Variants in CCDC83 observed in about 807,000 individuals in gnomAD.
CCDC83 encodes coiled-coil domain-containing protein 83.
CCDC83 carries 54 observed loss-of-function variants against 50.1 expected under a neutral mutation model. The observed-to-expected ratio is 1.08, with a 90% CI of 0.87 to 1.35. The LOEUF (loss-of-function observed/expected upper bound fraction) is 1.35, where lower values mean the gene tolerates loss of function less well. Ranked by LOEUF, CCDC83 falls within the 40% of genes most tolerant of loss-of-function variation. The pLI, the probability that CCDC83 is intolerant of heterozygous loss-of-function variation, is 0.00. For missense variants in CCDC83, 518 were observed against 473.9 expected (o/e 1.09, Z -0.86); for synonymous variants, 161 against 153.3 (o/e 1.05, Z -0.37).
At chr11:85,857,223 A>G (rs1399776190) in intron 1 of CCDC83, among the ~76,000 whole-genome samples, 4 of 152,194 alleles carry the variant, frequency 2.6e-5, no homozygotes, top group African/African-American at 4.8e-5. Context: ...AAGCCCTCGA[A>G]GGGCACGCGC....
chr11:85,872,168 G>A (rs1170674708), intron 2 of CCDC83, among the ~76,000 whole-genome samples: 2 of 152,056 alleles, frequency 1.3e-5, no homozygotes, highest in Non-Finnish European at 2.9e-5. Context: ...GGCCAGCCTG[G>A]TCTGGAACTC....
rs1191623003 is a variant in CCDC83 at position 85,895,276 on chromosome 11, T to TTTC, written c.512-15_512-14insCTT. 5.2e-6 allele frequency: 4 copies of TTTC among 771,548 alleles called. No homozygotes were observed. Among genetic ancestry groups the TTTC allele is most frequent in the African/African-American group, 5.4e-5 (2 of 37,350 alleles). 47.8% of individuals were successfully genotyped at this position (771,548 alleles called of 1,614,324 possible). Reference sequence around the variant, plus strand: ...GGCTTTTAATTTTCTTTTTTTTTTTTTTTTTTTTTTTTAAAGAACACTATA... The same window carrying TTTC: ...GGCTTTTAATTTTCTTTTTTTTTTTTTTCTTTTTTTTTTTTAAAGAACACTATA... On this transcript the variant is annotated splice_polypyrimidine_tract_variant and intron_variant, in intron 5 of 10. Coordinates refer to ENST00000342404, the MANE Select transcript of CCDC83 (RefSeq NM_001286159.2).
Position 85,885,213 on chromosome 11 carries a change from C to CA in CCDC83, c.344-975dup, listed in dbSNP as rs919228460. On this transcript the variant is annotated intron_variant, in intron 4 of 10. Coordinates refer to ENST00000342404, the MANE Select transcript of CCDC83 (RefSeq NM_001286159.2). ...TGAGTGACAGAGCAAAACTCCATCTCAAAAAAAAAAAATTAGTATCTTGTG... is the reference window on the plus strand; with the variant it reads ...TGAGTGACAGAGCAAAACTCCATCTCAAAAAAAAAAAAATTAGTATCTTGTG... Among the ~76,000 whole-genome samples, 265 of 139,406 alleles carry CA rather than the reference C, an allele frequency of 1.9e-3. 1 individual carries two copies. Among genetic ancestry groups the CA allele is most frequent in the East Asian group, 9.3e-3 (45 of 4,838 alleles). The allele number at this position is 139,406 out of a possible 152,430, so 91.5% of individuals were successfully genotyped here. A position where few individuals can be genotyped will look rare whatever the true frequency, so the allele number is the denominator to read the frequency against.
intron 1 of CCDC83, among the ~76,000 whole-genome samples, chr11:85,857,477 C>T (rs2093148647): frequency 1.3e-5 from 2 of 152,164 alleles, no homozygotes; most frequent in Admixed American, 6.5e-5. Flanking sequence ...CTGGATGTCG[C>T]TTGGGCCCCC....
chr11:85,907,291 T>C (rs2093430271), intron 7 of CCDC83, among the ~76,000 whole-genome samples: 1 of 152,246 alleles, frequency 6.6e-6, no homozygotes, highest in African/African-American at 2.4e-5. Flanking sequence ...TTAGTTGTTA[T>C]AAGTAACACT....
intron 7 of CCDC83, among the ~76,000 whole-genome samples, chr11:85,900,006 A>C (rs1363170115): frequency 6.6e-6 from 1 of 152,220 alleles, no homozygotes; most frequent in Non-Finnish European, 1.5e-5. Context: ...AATCTTCTGA[A>C]AGACAAAAAG....
At chr11:85,913,949 G>T (rs999282710) in intron 8 of CCDC83, among the ~76,000 whole-genome samples, 4 of 152,178 alleles carry the variant, frequency 2.6e-5, no homozygotes, top group African/African-American at 9.7e-5. Flanking sequence ...AATAGAAAAA[G>T]CTAGATTCCT....
upstream of CCDC83, chr11:85,855,225 A>T (rs2093132428): frequency 6.6e-6 from 1 of 152,270 alleles, no homozygotes; most frequent in Non-Finnish European, 1.5e-5. Flanking sequence ...GGATGTCAGG[A>T]GACTGGCTGG....
At chr11:85,877,902 A>G (rs541272382) in intron 3 of CCDC83, among the ~76,000 whole-genome samples, 2 of 152,340 alleles carry the variant, frequency 1.3e-5, no homozygotes, top group African/African-American at 4.8e-5. Flanking sequence ...TAGTTTGGCA[A>G]GTGATATTTC....
intron 7 of CCDC83, among the ~76,000 whole-genome samples, chr11:85,900,442 T>C (rs769836135): frequency 2.0e-5 from 3 of 152,190 alleles, no homozygotes; most frequent in Non-Finnish European, 2.9e-5. Flanking sequence ...TATCCCACTC[T>C]TGCCTTCTCA....
In CCDC83 at chr11:85,865,154, G is replaced by A. The variant is rs199576043; in HGVS notation, c.31G>A (p.Asp11Asn). The change falls in exon 2 of 11, where the codon GAT (aspartate) becomes AAT (asparagine). Residue 11 changes from aspartate (D) to asparagine (N), a missense_variant. Transcript: ENST00000342404. Reference sequence around the variant, plus strand: ...AAACTCAGGGAAAGCAAATAAAAAGGATACACATGACGGGCCACCAAAAGA... The same window carrying A: ...AAACTCAGGGAAAGCAAATAAAAAGAATACACATGACGGGCCACCAAAAGA... MENSGKANKK[D>N]THDGPPKEIK... 1.4e-4 allele frequency: 232 copies of A among 1,612,708 alleles called. No homozygotes were observed. Among genetic ancestry groups the A allele is most frequent in the Non-Finnish European group, 1.9e-4 (224 of 1,178,948 alleles).
rs2093250221 is a variant in CCDC83, at chr11:85,873,290, G to T, written c.175G>T (p.Glu59Ter). The part of the protein sequence containing the change: ...TLRKKNQKYH[E>*]RNSRLKEEQI... ...TAGGAAAAAGAACCAAAAATATCATGAAAGAGTGAGTATAAAATTTAGAAC... is the reference window on the plus strand; with the variant it reads ...TAGGAAAAAGAACCAAAAATATCATTAAAGAGTGAGTATAAAATTTAGAAC... The change falls in exon 3 of 11, where the codon GAA (glutamate) becomes TAA (stop). Residue 59 changes from glutamate to a stop codon, truncating the protein, a stop_gained. Coordinates refer to ENST00000342404, the MANE Select transcript of CCDC83 (RefSeq NM_001286159.2). LOFTEE classifies it high-confidence loss of function. 2.2e-6 allele frequency: 3 copies of T among 1,391,250 alleles called. No homozygotes were observed. The highest frequency in any genetic ancestry group is 3.0e-6 in the Non-Finnish European group (3 of 1,004,010). The allele number at this position is 1,391,250 out of a possible 1,614,324, so 86.2% of individuals were successfully genotyped here.
intron 7 of CCDC83, among the ~76,000 whole-genome samples, chr11:85,906,352 C>A (rs1847962705): frequency 6.6e-6 from 1 of 152,068 alleles, no homozygotes; most frequent in Non-Finnish European, 1.5e-5. Flanking sequence ...CAGAAGTGAG[C>A]CACCTTGCCC....
At chr11:85,882,826 A>G in intron 4 of CCDC83, 151 bp downstream of exon 4, 1 of 697,452 alleles carries the variant, frequency 1.4e-6, no homozygotes, top group Non-Finnish European at 2.4e-6. Flanking sequence ...ATGTAGGTAA[A>G]TGGGCAGGAG....
At chr11:85,886,123 A>C (rs943263827) in intron 4 of CCDC83, 77 bp from the exon 5 acceptor site, 9 of 1,154,638 alleles carry the variant, frequency 7.8e-6, no homozygotes, top group Non-Finnish European at 1.0e-5. Flanking sequence ...ATCAGATCTT[A>C]ACTTCTTAAA....
At chr11:85,890,699 T>TA (rs2093347239) in intron 5 of CCDC83, among the ~76,000 whole-genome samples, 2 of 152,206 alleles carry the variant, frequency 1.3e-5, no homozygotes, top group Non-Finnish European at 2.9e-5. Flanking sequence ...GTTTTCCATG[T>TA]TTCCCTCTTC....
At position 85,919,374 on chromosome 11, in the gene CCDC83, G is replaced by A; in HGVS notation, c.1106G>A (p.Gly369Glu). ...GATTATGTAAACTTGGGCCCCCTGG[G>A]AGTGAAGCTTATGAGTGTGGAGAGC... Reference protein sequence around the residue: ...FKDYVNLGPLGVKLMSVESKK... With the variant: ...FKDYVNLGPLEVKLMSVESKK... Residue 369 changes from glycine to glutamate, a missense_variant, in exon 11 of 11, where the codon GGA (glycine) becomes GAA (glutamate). Transcript: ENST00000342404. The A allele has an allele frequency of 6.2e-7, 1 of 1,609,448 alleles. No homozygotes were observed. The highest frequency in any genetic ancestry group is 8.5e-7 in the Non-Finnish European group (1 of 1,179,004).
At chr11:85,873,072 C>A in intron 2 of CCDC83, 139 bp from the exon 3 acceptor site, 1 of 418,072 alleles carries the variant, frequency 2.4e-6, no homozygotes, top group Non-Finnish European at 4.3e-6. Flanking sequence ...TTCAGAAACA[C>A]AAAACCGTTT....
chr11:85,887,802 CT>C lies in CCDC83; in HGVS notation c.511+1452del, dbSNP rs372106214. ...CAGTGGTTGCATGGTTTTATTGTAC[CT>C]TTTTTTTTTTTTTTTTCGAGACACG... On this transcript the variant is annotated intron_variant, in intron 5 of 10. Transcript: ENST00000342404. 1.3e-3 allele frequency among the ~76,000 whole-genome samples: 151 copies of C among 119,932 alleles called. 1 individual carries two copies. In the East Asian group the frequency reaches 0.016, roughly 13 times the overall value. The allele number at this position is 119,932 out of a possible 152,430, so 78.7% of individuals were successfully genotyped here. A position where few individuals can be genotyped will look rare whatever the true frequency, so the allele number is the denominator to read the frequency against.
Sources: allele counts gnomAD v4.1 joint callset (sites outside exome capture counted in the v4.1 genomes callset), GRCh38; gene constraint gnomAD v4.1.1; transcripts MANE v1.5; gene names NCBI Gene and HGNC (gene_info 2026-07-23, HGNC 2026-07-21).